Variants in MAD1L1 observed in about 807,000 individuals in gnomAD.
The protein encoded by MAD1L1 is mitotic spindle assembly checkpoint protein MAD1.
A neutral mutation model predicts 96.9 loss-of-function variants in MAD1L1; 95 were observed. The observed-to-expected ratio is 0.98, with a 90% CI of 0.83 to 1.16. MAD1L1 has a LOEUF of 1.16. Among genes scored for constraint, MAD1L1 ranks in the 50% most tolerant of loss-of-function variants. The pLI, the probability that MAD1L1 is intolerant of heterozygous loss-of-function variation, is 0.00. For missense variants in MAD1L1, 1,007 were observed against 954.4 expected (o/e 1.06, Z -0.73); for synonymous variants, 473 against 396.6 (o/e 1.19, Z -2.29).
intron 18 of MAD1L1, among the ~76,000 whole-genome samples, chr7:1,888,818 C>T (rs1040438486): frequency 2.6e-5 from 4 of 152,140 alleles, no homozygotes; most frequent in African/African-American, 4.8e-5. Flanking sequence ...GCTGTGCATG[C>T]GTGGGCATGT....
At chr7:2,228,193 C>G (rs940566286) in intron 3 of MAD1L1, among the ~76,000 whole-genome samples, 4 of 152,006 alleles carry the variant, frequency 2.6e-5, no homozygotes, top group Admixed American at 2.0e-4. Flanking sequence ...GCCTCCGAGC[C>G]CCAAGACAGA....
At chr7:1,981,200 C>T (rs547021457) in intron 14 of MAD1L1, among the ~76,000 whole-genome samples, 79 of 152,302 alleles carry the variant, frequency 5.2e-4, no homozygotes, top group Non-Finnish European at 9.7e-4. Flanking sequence ...CTCCTGACCT[C>T]GGGTGATTCA....
At chr7:2,043,942 C>T (rs567983941) in intron 12 of MAD1L1, among the ~76,000 whole-genome samples, 1 of 152,286 alleles carries the variant, frequency 6.6e-6, no homozygotes, top group East Asian at 1.9e-4. Context: ...CGGCCGCGGG[C>T]TCGGACGTGA....
At chr7:2,049,809 AACATCT>A in intron 12 of MAD1L1, among the ~76,000 whole-genome samples, 1 of 152,116 alleles carries the variant, frequency 6.6e-6, no homozygotes, top group East Asian at 1.9e-4. Context: ...CACCTCATCC[AACATCT>A]GCTGGCACCA....
chr7:1,963,626 A>T (rs1353179373), intron 15 of MAD1L1, among the ~76,000 whole-genome samples: 2 of 152,340 alleles, frequency 1.3e-5, no homozygotes, highest in African/African-American at 4.8e-5. Flanking sequence ...GACCTCTGAC[A>T]TCTGCTTCCT....
intron 12 of MAD1L1, among the ~76,000 whole-genome samples, chr7:2,065,783 G>A (rs564279886): frequency 6.6e-5 from 10 of 152,328 alleles, no homozygotes; most frequent in African/African-American, 2.2e-4. Flanking sequence ...GGGGCCTCCA[G>A]TAACTGATCT....
At chr7:2,150,354 G>A (rs1345894575) in intron 10 of MAD1L1, among the ~76,000 whole-genome samples, 2 of 152,120 alleles carry the variant, frequency 1.3e-5, no homozygotes, top group African/African-American at 2.4e-5. Flanking sequence ...TGCCTAAAAC[G>A]CGCACGCTGC....
chr7:2,218,601 A>C (rs1793420855), intron 6 of MAD1L1, among the ~76,000 whole-genome samples: 1 of 152,042 alleles, frequency 6.6e-6, no homozygotes, highest in South Asian at 2.1e-4. Context: ...AAGGCACATG[A>C]TGCTGCCCTT....
chr7:2,223,208 G>A (rs1179730256), intron 4 of MAD1L1, among the ~76,000 whole-genome samples: 3 of 152,226 alleles, frequency 2.0e-5, no homozygotes, highest in Admixed American at 6.5e-5. Context: ...GACAGGCAGC[G>A]TGGACAGGAG....
chr7:1,887,745 G>T (rs552493554), intron 18 of MAD1L1, among the ~76,000 whole-genome samples: 1 of 151,456 alleles, frequency 6.6e-6, no homozygotes, highest in African/African-American at 2.4e-5. Context: ...GGCTTCCTGT[G>T]CATGTGTCCA....
intron 18 of MAD1L1, among the ~76,000 whole-genome samples, chr7:1,817,242 G>C (rs892466426): frequency 2.6e-5 from 4 of 152,112 alleles, no homozygotes; most frequent in African/African-American, 9.6e-5. Flanking sequence ...GCGGGAGCGT[G>C]TGTGGTGCGG....
chr7:1,992,399 C>T (rs1018231321), intron 14 of MAD1L1, among the ~76,000 whole-genome samples: 1 of 152,232 alleles, frequency 6.6e-6, no homozygotes, highest in Non-Finnish European at 1.5e-5. Context: ...GAACAGGTGT[C>T]AGAAACCTTT....
At chr7:1,972,385 C>G (rs554258116) in intron 15 of MAD1L1, among the ~76,000 whole-genome samples, 4 of 152,312 alleles carry the variant, frequency 2.6e-5, no homozygotes, top group African/African-American at 9.6e-5. Flanking sequence ...AAATAGTTTA[C>G]AAGATTATTC....
At chr7:1,923,762 C>T (rs1583802688) in intron 17 of MAD1L1, among the ~76,000 whole-genome samples, 2 of 152,358 alleles carry the variant, frequency 1.3e-5, no homozygotes, top group South Asian at 4.1e-4. Flanking sequence ...GTGCTGGGTG[C>T]TCAGAGTGGC....
intron 9 of MAD1L1, 59 bp from the exon 10 acceptor site, chr7:2,213,332 G>A: frequency 6.7e-7 from 1 of 1,484,670 alleles, no homozygotes. Context: ...CATCACATAA[G>A]ACTGACAATC....
At chr7:1,932,328 C>A (rs1032284282) in intron 17 of MAD1L1, among the ~76,000 whole-genome samples, 1 of 152,256 alleles carries the variant, frequency 6.6e-6, no homozygotes, top group South Asian at 2.1e-4. Flanking sequence ...GCGGCAGAAG[C>A]CCCTGTGGTC....
chr7:2,153,621 G>A (rs1353301391), intron 10 of MAD1L1, among the ~76,000 whole-genome samples: 3 of 152,176 alleles, frequency 2.0e-5, no homozygotes, highest in Non-Finnish European at 4.4e-5. Flanking sequence ...TAGTACCACC[G>A]CTATGGAACC....
intron 18 of MAD1L1, among the ~76,000 whole-genome samples, chr7:1,839,624 T>C (rs1234409409): frequency 6.6e-6 from 1 of 152,166 alleles, no homozygotes; most frequent in Non-Finnish European, 1.5e-5. Context: ...TTCTAACAGT[T>C]TAAACGCGCG....
Position 1,919,221 on chromosome 7 carries a change from T to C in MAD1L1, c.1807+17466A>G, listed in dbSNP as rs910576713. Among the ~76,000 whole-genome samples, 8 of 152,190 alleles carry C rather than the reference T, an allele frequency of 5.3e-5. No homozygotes were observed. The Middle Eastern group carries it at 0.014, about 259-fold the overall frequency. The stretch of plus-strand genomic sequence containing the variant: ...AAGCTGAGATGCAGAGAGAAAAGGG[T>C]CCACCCAGACCCCCAACTGTTACGA... On this transcript the variant is annotated intron_variant, in intron 17 of 18. Transcript: ENST00000265854.
Sources: allele counts gnomAD v4.1 joint callset (sites outside exome capture counted in the v4.1 genomes callset), GRCh38; gene constraint gnomAD v4.1.1; transcripts MANE v1.5; gene names NCBI Gene and HGNC (gene_info 2026-07-23, HGNC 2026-07-21).